The following SRGAP3 variants were observed in gnomAD, a reference collection of about 807,000 sequenced individuals.
The protein encoded by SRGAP3 is SLIT-ROBO Rho GTPase activating protein 3.
In SRGAP3, 39 loss-of-function variants were observed where a neutral mutation model predicts 121.1. The ratio of observed to expected loss-of-function variants is 0.32; its 90% confidence interval spans 0.25 to 0.42. The LOEUF (loss-of-function observed/expected upper bound fraction) is 0.42. Ranked by LOEUF, SRGAP3 falls within the 10% of genes least tolerant of loss-of-function variation. The pLI is 1.00. For synonymous variants in SRGAP3, 601 were observed against 570.0 expected, an observed-to-expected ratio of 1.05 and a Z score of -0.77; for missense variants, 1,213 against 1,470.6, an observed-to-expected ratio of 0.82 and a Z score of 2.86.
chr3:9,037,710 A>G, intron 11 of SRGAP3: 1 of 378,850 alleles, frequency 2.6e-6, no homozygotes, highest in South Asian at 3.0e-5. Flanking sequence ...GTGGGAAGAG[A>G]GGTCAACAGC....
rs1955470568 is a variant in SRGAP3 at position 9,323,616 on chromosome 3, A to G, written n.442+2394T>C. ...TGATCTCTGGGATCCAAGGAAAACT[A>G]AAATGGTAGGCTGTGAATCAGATAC... On this transcript the variant is annotated intron_variant and non_coding_transcript_variant, in intron 3 of 3. Transcript: ENST00000490889. Among the ~76,000 whole-genome samples, 3 of 151,874 alleles carry G rather than the reference A, an allele frequency of 2.0e-5. 1 individual carries two copies. Among genetic ancestry groups the G allele is most frequent in the African/African-American group, 7.2e-5 (3 of 41,448 alleles).
intron 1 of SRGAP3, chr3:9,193,309 TC>T (rs1951817358): frequency 6.6e-6 from 1 of 152,320 alleles, no homozygotes; most frequent in Non-Finnish European, 1.5e-5. Context: ...CTTTTTTCTC[TC>T]CTTGAAGCCA....
intron 3 of SRGAP3, among the ~76,000 whole-genome samples, chr3:9,090,764 G>C (rs1947719664): frequency 6.6e-6 from 1 of 152,142 alleles, no homozygotes; most frequent in African/African-American, 2.4e-5. Context: ...AGCCTCCCAA[G>C]TAGCTGGGAT....
At chr3:9,201,498 C>T (rs1300375981) in intron 1 of SRGAP3, among the ~76,000 whole-genome samples, 5 of 152,234 alleles carry the variant, frequency 3.3e-5, no homozygotes, top group African/African-American at 4.8e-5. Flanking sequence ...AGGCAAGGAG[C>T]GTCCCCGCCC....
chr3:9,127,354 G>A (rs1949275723), intron 1 of SRGAP3, among the ~76,000 whole-genome samples: 1 of 152,164 alleles, frequency 6.6e-6, no homozygotes, highest in Non-Finnish European at 1.5e-5. Context: ...TTAAAATGTG[G>A]TCCACAGACC....
chr3:9,103,516 C>T (rs548016480), intron 3 of SRGAP3, among the ~76,000 whole-genome samples: 4 of 152,142 alleles, frequency 2.6e-5, no homozygotes, highest in African/African-American at 9.6e-5. Flanking sequence ...GTAACAAGCC[C>T]GAAGATACAC....
intron 1 of SRGAP3, chr3:9,193,467 GA>G (rs1325600242): frequency 1.3e-5 from 2 of 152,232 alleles, no homozygotes; most frequent in Non-Finnish European, 2.9e-5. Context: ...GTGAAATGGG[GA>G]GCCATGCAGA....
chr3:8,985,541 G>A lies in SRGAP3; in HGVS notation c.3278C>T (p.Ala1093Val), dbSNP rs61740045. Residue 1093 changes from alanine (A) to valine (V), a missense_variant, in exon 22 of 22, where the codon GCG (alanine) becomes GTG (valine). Ala to Val is a moderately conservative substitution (Grantham distance 64). Coordinates refer to ENST00000383836, the MANE Select transcript of SRGAP3 (RefSeq NM_014850.4). The surrounding 1 kb of genome is among the most constrained non-coding windows in gnomAD (Gnocchi z 5.1). ...PTEKMFPNSS[A>V]DKSGTM ...AGGTCACATGGTGCCCGACTTGTCC[G>A]CTGAGCTGTTGGGGAACATCTTCTC... The A allele has an allele frequency of 3.1e-6, 5 of 1,598,872 alleles. No homozygotes were observed. Among genetic ancestry groups the A allele is most frequent in the Admixed American group, 3.3e-5 (2 of 59,956 alleles).
intron 4 of SRGAP3, among the ~76,000 whole-genome samples, chr3:9,073,619 G>A (rs1442749041): frequency 6.6e-6 from 1 of 152,140 alleles, no homozygotes; most frequent in African/African-American, 2.4e-5. Flanking sequence ...AGACGGGCGT[G>A]GTCATAATGC....
At chr3:9,048,452 G>T (rs1008959883) in intron 9 of SRGAP3, among the ~76,000 whole-genome samples, 1 of 152,218 alleles carries the variant, frequency 6.6e-6, no homozygotes, top group African/African-American at 2.4e-5. Context: ...TGGTGGGCTG[G>T]GGAGGGAGAC....
At position 9,213,401 on chromosome 3, in the gene SRGAP3, A is replaced by G. The variant is rs1156444311; in HGVS notation, c.67+35484T>C. On this transcript the variant is annotated intron_variant, in intron 1 of 21. Transcript: ENST00000383836. ...TCCACACTCCTCAGAGCAAGAAACC[A>G]GAAGAGCAAAGGGGAAACACAAGGC... 3.9e-5 allele frequency among the ~76,000 whole-genome samples: 6 copies of G among 152,144 alleles called. 1 individual carries two copies. In the South Asian group the frequency reaches 8.3e-4, roughly 21 times the overall value.
chr3:9,107,191 A>AC (rs1948447638), intron 2 of SRGAP3, among the ~76,000 whole-genome samples: 1 of 152,140 alleles, frequency 6.6e-6, no homozygotes, highest in Non-Finnish European at 1.5e-5. Context: ...CTACAATTAG[A>AC]CCCCAACTAG....
chr3:9,352,339 T>A (rs1403859208), intron 1 of SRGAP3, among the ~76,000 whole-genome samples: 1 of 149,676 alleles, frequency 6.7e-6, no homozygotes, highest in Non-Finnish European at 1.5e-5. Flanking sequence ...AGTGGCACGA[T>A]CTCAGCTCAC....
Position 9,124,808 on chromosome 3 carries a change from A to C in SRGAP3, c.177T>G (p.Ile59Met), listed in dbSNP as rs1316497025. 6.2e-7 allele frequency: 1 copy of C among 1,614,252 alleles called. No homozygotes were observed. Among genetic ancestry groups the C allele is most frequent in the East Asian group, 2.2e-5 (1 of 44,886 alleles). Residue 59 changes from isoleucine to methionine, a missense_variant, in exon 2 of 22, where the codon ATT (isoleucine) becomes ATG (methionine). By Grantham distance (10) the Ile-to-Met change is conservative. Around this residue, in one of 2 missense-constraint regions of SRGAP3, gnomAD observed 793 missense variants for 1,032.9 expected, o/e 0.77. Coordinates refer to ENST00000383836, the MANE Select transcript of SRGAP3 (RefSeq NM_014850.4). ...LQEFFRRKAEIELEYSRSLEK... is the reference protein window; with the variant it reads ...LQEFFRRKAEMELEYSRSLEK... The stretch of plus-strand genomic sequence containing the variant: ...CCAGGCTGCGGGAGTACTCGAGCTC[A>C]ATCTCAGCTTTCCGGCGGAAAAACT...
At chr3:9,013,223 AG>A in intron 17 of SRGAP3, 84 bp downstream of exon 17, 1 of 1,366,754 alleles carries the variant, frequency 7.3e-7, no homozygotes, top group Non-Finnish European at 1.0e-6. Context: ...TCAAGCAGTA[AG>A]AAAACTGAAG....
Position 8,985,992 on chromosome 3 carries a change from G to C in SRGAP3, c.2887-60C>G. ...GGAGACCTGGAGTCAGGTCCTTCCT[G>C]TCTGCTAAGCAGCTTCCCTTCGTAG... On this transcript the variant is annotated intron_variant, in intron 21 of 21. Transcript: ENST00000383836. This position sits in a 1 kb window ranked among gnomAD's most constrained non-coding sequence, Gnocchi z 5.1. The C allele has an allele frequency of 1.9e-6, 3 of 1,598,570 alleles. No homozygotes were observed. The highest frequency in any genetic ancestry group is 2.5e-6 in the Non-Finnish European group (3 of 1,179,552).
Position 9,332,136 on chromosome 3 carries a change from T to TA in SRGAP3, n.215-1541_215-1540insT, listed in dbSNP as rs1955619469. 5.3e-5 allele frequency among the ~76,000 whole-genome samples: 8 copies of TA among 151,970 alleles called. 1 individual carries two copies. The highest frequency in any genetic ancestry group is 5.2e-4 in the Admixed American group (8 of 15,246). ...TTGAGGTTATTATTATTATTATTAT[T>TA]TTGAGATGGAGTCTCACTCTGTCAC... On this transcript the variant is annotated intron_variant and non_coding_transcript_variant, in intron 1 of 3. Coordinates refer to the SRGAP3 transcript ENST00000490889.
chr3:9,094,229 A>G lies in SRGAP3; in HGVS notation c.423+10451T>C, dbSNP rs1947876399. Among the ~76,000 whole-genome samples the G allele has an allele frequency of 3.9e-5, 6 of 152,206 alleles. No individual in the cohort carries two copies. The South Asian group carries it at 1.2e-3, about 32-fold the overall frequency. ...CATCTGTGTTCCAAGTTTTATAAAAATATCATACTGTACCTTACTTTTTTC... is the reference window on the plus strand; with the variant it reads ...CATCTGTGTTCCAAGTTTTATAAAAGTATCATACTGTACCTTACTTTTTTC... On this transcript the variant is annotated intron_variant, in intron 3 of 21. Transcript: ENST00000383836.
chr3:9,252,574 A>C (rs1245062694), upstream of SRGAP3, among the ~76,000 whole-genome samples: 1 of 152,184 alleles, frequency 6.6e-6, no homozygotes, highest in Non-Finnish European at 1.5e-5. Flanking sequence ...AAAGAGGAAA[A>C]GGTCTGTGTC....
Sources: allele counts gnomAD v4.1 joint callset (sites outside exome capture counted in the v4.1 genomes callset), GRCh38; gene constraint gnomAD v4.1.1; regional missense constraint gnomAD v4.1.1; non-coding constraint Gnocchi (gnomAD v3.1); transcripts MANE v1.5; gene names NCBI Gene and HGNC (gene_info 2026-07-23, HGNC 2026-07-21).